Variants in FBXL17 observed in about 807,000 individuals in gnomAD.
FBXL17 encodes the protein F-box/LRR-repeat protein 17.
FBXL17 carries 22 observed loss-of-function variants against 66.2 expected under a neutral mutation model. That is an observed-to-expected ratio of 0.33 (90% CI 0.24 to 0.47). FBXL17 has a LOEUF of 0.47. Among genes scored for constraint, FBXL17 ranks in the 20% least tolerant of loss-of-function variants. FBXL17 has a pLI of 1.00. For missense variants in FBXL17, 878 were observed against 948.2 expected, an observed-to-expected ratio of 0.93 and a Z score of 0.97; for synonymous variants, 474 against 400.5, an observed-to-expected ratio of 1.18 and a Z score of -2.19.
intron 6 of FBXL17, among the ~76,000 whole-genome samples, chr5:108,058,738 G>A (rs909644336): frequency 2.6e-5 from 4 of 152,170 alleles, no homozygotes; most frequent in Non-Finnish European, 5.9e-5. Context: ...GGTCTGTACT[G>A]TAATTATTTA....
rs1399124376 is a variant in FBXL17 at position 108,299,378 on chromosome 5, C to T, written c.1506+49021G>A. The T allele has an allele frequency of 1.9e-5, 19 of 982,526 alleles. No individual in the cohort carries two copies. The South Asian group carries it at 3.8e-4, about 20-fold the overall frequency. 60.9% of individuals were successfully genotyped at this position (982,526 alleles called of 1,614,324 possible). A position where few individuals can be genotyped will look rare whatever the true frequency, so the allele number is the denominator to read the frequency against. On this transcript the variant is annotated intron_variant, in intron 4 of 8. Coordinates refer to ENST00000542267, the MANE Select transcript of FBXL17 (RefSeq NM_001163315.3). Reference sequence around the variant, plus strand: ...CATACATAGTACAGTTTTCAAACTACGTTTTCATATCAACACAAGCAAGTT... The same window carrying T: ...CATACATAGTACAGTTTTCAAACTATGTTTTCATATCAACACAAGCAAGTT...
At chr5:108,148,894 A>G (rs539320338) in intron 6 of FBXL17, among the ~76,000 whole-genome samples, 1 of 152,356 alleles carries the variant, frequency 6.6e-6, no homozygotes, top group South Asian at 2.1e-4. Context: ...TGTCACAACA[A>G]TATCACTAAT....
At chr5:108,003,741 C>T (rs576042055) in intron 7 of FBXL17, among the ~76,000 whole-genome samples, 8 of 151,982 alleles carry the variant, frequency 5.3e-5, no homozygotes, top group Admixed American at 2.0e-4. Context: ...TTGGACAGGG[C>T]TGATGGAAAA....
At chr5:108,359,857 A>G (rs7724056) in intron 3 of FBXL17, among the ~76,000 whole-genome samples, 128,053 of 151,974 alleles carry the variant, frequency 0.84, 54,114 homozygotes, top group African/African-American at 0.9. Context: ...TCTTCTTCCT[A>G]GTTGTGCTAT....
intron 4 of FBXL17, chr5:108,298,957 T>C (rs1758462224): frequency 3.1e-6 from 3 of 960,994 alleles, no homozygotes; most frequent in East Asian, 1.1e-4. Flanking sequence ...CAGTTTCATA[T>C]ATAGTGCCAG....
intron 6 of FBXL17, among the ~76,000 whole-genome samples, chr5:108,055,143 C>A (rs1296940155): frequency 6.6e-6 from 1 of 151,420 alleles, no homozygotes; most frequent in African/African-American, 2.4e-5. Flanking sequence ...CAATATTGTT[C>A]CTCTTGTTTT....
intron 4 of FBXL17, among the ~76,000 whole-genome samples, chr5:108,249,302 G>T (rs1203508419): frequency 2.0e-5 from 3 of 152,026 alleles, no homozygotes; most frequent in African/African-American, 7.2e-5. Context: ...GCTCCTGCTA[G>T]GGAGTGTATG....
In FBXL17 at chr5:107,860,658, A is replaced by G. The variant is rs538520552; in HGVS notation, c.*1062T>C. ...ATGAGAACTAGTCCAAAATGACAAC[A>G]TGCATATATCCAAAAAACCTGTTCA... On this transcript the variant is annotated 3_prime_UTR_variant, in exon 9 of 9. Coordinates refer to ENST00000542267, the MANE Select transcript of FBXL17 (RefSeq NM_001163315.3). 5 of 152,748 alleles carry G rather than the reference A, an allele frequency of 3.3e-5. No individual in the cohort carries two copies. The South Asian group carries it at 1.0e-3, about 32-fold the overall frequency. The allele number at this position is 152,748 out of a possible 1,614,324, so 9.5% of individuals were successfully genotyped here.
chr5:108,138,662 A>G (rs1751236906), intron 6 of FBXL17, among the ~76,000 whole-genome samples: 1 of 152,234 alleles, frequency 6.6e-6, no homozygotes, highest in South Asian at 2.1e-4. Flanking sequence ...GTAATGCATC[A>G]TTCATGAAGT....
chr5:108,317,422 G>GC (rs1389430570), intron 4 of FBXL17, among the ~76,000 whole-genome samples: 2 of 149,628 alleles, frequency 1.3e-5, no homozygotes, highest in African/African-American at 4.9e-5. Flanking sequence ...CAACTACCCT[G>GC]ATTTGATCAT....
At chr5:107,947,755 A>G (rs1751362366) in intron 7 of FBXL17, among the ~76,000 whole-genome samples, 1 of 152,182 alleles carries the variant, frequency 6.6e-6, no homozygotes, top group African/African-American at 2.4e-5. Context: ...TCCAGGCTGA[A>G]TAAAGAATAA....
chr5:107,969,063 T>G (rs1487124181), intron 7 of FBXL17, among the ~76,000 whole-genome samples: 1 of 152,112 alleles, frequency 6.6e-6, no homozygotes, highest in Admixed American at 6.5e-5. Flanking sequence ...TTACTGGAAA[T>G]CAGCCATGTT....
At chr5:107,980,192 A>G (rs1580278967) in intron 7 of FBXL17, among the ~76,000 whole-genome samples, 1 of 152,148 alleles carries the variant, frequency 6.6e-6, no homozygotes, top group African/African-American at 2.4e-5. Context: ...AACTACAGCT[A>G]AAGTAAAGTG....
In FBXL17 at chr5:108,182,869, T is replaced by C. The variant is rs146488932; in HGVS notation, c.1745+3248A>G. ...CACTCTCCCATCTGTATTTAAATGA[T>C]ACAAACCTAAGCAAAATATTTACTT... On this transcript the variant is annotated intron_variant, in intron 6 of 8. Transcript: ENST00000542267. 3.9e-3 allele frequency among the ~76,000 whole-genome samples: 600 copies of C among 152,232 alleles called. 1 individual carries two copies. Among genetic ancestry groups the C allele is most frequent in the African/African-American group, 0.014 (574 of 41,534 alleles).
At chr5:108,261,588 G>T (rs1756821662) in intron 4 of FBXL17, among the ~76,000 whole-genome samples, 1 of 151,784 alleles carries the variant, frequency 6.6e-6, no homozygotes, top group Non-Finnish European at 1.5e-5. Context: ...AATGCTTTAG[G>T]CATACAAGGC....
Position 108,358,156 on chromosome 5 carries a change from T to G in FBXL17, c.1374+6582A>C, listed in dbSNP as rs1239105285. Among the ~76,000 whole-genome samples the G allele has an allele frequency of 3.9e-5, 6 of 152,280 alleles. No homozygotes were observed. The East Asian group carries it at 9.6e-4, about 24-fold the overall frequency. ...ATAGTTTTACTTCTTCCTTTCCAAT[T>G]TGGAAGCATTTTATTTCTTTTTCTT... is the stretch of plus-strand genomic sequence containing the variant. On this transcript the variant is annotated intron_variant, in intron 3 of 8. Transcript: ENST00000542267.
intron 4 of FBXL17, among the ~76,000 whole-genome samples, chr5:108,253,577 C>G (rs529842054): frequency 6.6e-4 from 100 of 152,246 alleles, no homozygotes; most frequent in African/African-American, 2.2e-3. Context: ...CATCCTGCCA[C>G]CAGCTGACTC....
chr5:108,206,976 C>T (rs1246372208), intron 5 of FBXL17, among the ~76,000 whole-genome samples: 2 of 152,132 alleles, frequency 1.3e-5, no homozygotes, highest in Non-Finnish European at 2.9e-5. Context: ...GACCATTTTA[C>T]ATTCTCACAA....
intron 7 of FBXL17, among the ~76,000 whole-genome samples, chr5:107,957,466 G>T (rs1751709392): frequency 6.6e-6 from 1 of 151,918 alleles, no homozygotes; most frequent in Admixed American, 6.6e-5. Context: ...TTCTTATTTA[G>T]AATACACAGT....
Sources: gnomAD v4.1 joint callset for allele counts (sites outside exome capture counted in the v4.1 genomes callset) on GRCh38, gnomAD v4.1.1 for gene constraint, MANE v1.5 for transcripts, NCBI Gene and HGNC (gene_info 2026-07-23, HGNC 2026-07-21) for gene names.